Variants in EPC2 observed in about 807,000 individuals in gnomAD.
EPC2 encodes the protein enhancer of polycomb 2.
Under a neutral mutation model 92.1 loss-of-function variants are expected in EPC2, and 14 were observed. The ratio of observed to expected loss-of-function variants is 0.15; its 90% confidence interval spans 0.10 to 0.24. The LOEUF (loss-of-function observed/expected upper bound fraction) is 0.24. EPC2 is among the 10% of genes least tolerant of loss of function. The probability of loss-of-function intolerance (pLI) is 1.00; values close to 1 mark genes in which losing one functional copy is unlikely to be tolerated. For synonymous variants in EPC2, 340 were observed against 334.7 expected, an observed-to-expected ratio of 1.02 and a Z score of -0.17; for missense variants, 755 against 971.5, an observed-to-expected ratio of 0.78 and a Z score of 2.96.
chr2:148,649,640 C>T (rs1680624404), intron 1 of EPC2, among the ~76,000 whole-genome samples: 1 of 151,976 alleles, frequency 6.6e-6, no homozygotes, highest in African/African-American at 2.4e-5. Context: ...GAGGTATTAC[C>T]ATTTCTGTTT....
chr2:148,663,160 G>A (rs1680974138), intron 1 of EPC2, among the ~76,000 whole-genome samples: 1 of 149,840 alleles, frequency 6.7e-6, no homozygotes, highest in South Asian at 2.1e-4. Flanking sequence ...TGATACATGG[G>A]ACAGATGCCT....
At chr2:148,714,664 TG>T in intron 2 of EPC2, among the ~76,000 whole-genome samples, 1 of 152,358 alleles carries the variant, frequency 6.6e-6, no homozygotes, top group East Asian at 1.9e-4. Context: ...TAATGATCAG[TG>T]GTGTTGAGCT....
chr2:148,767,809 G>A (rs1183816098), intron 7 of EPC2, among the ~76,000 whole-genome samples: 5 of 152,290 alleles, frequency 3.3e-5, no homozygotes, highest in South Asian at 4.1e-4. Flanking sequence ...CCGGGGAATC[G>A]TAGTTAGGAG....
At chr2:148,684,023 A>G (rs1681463557) in intron 1 of EPC2, among the ~76,000 whole-genome samples, 1 of 152,126 alleles carries the variant, frequency 6.6e-6, no homozygotes, top group African/African-American at 2.4e-5. Flanking sequence ...CACCAACATC[A>G]TTACTTTTTA....
In EPC2 at chr2:148,690,315, T is replaced by C; in HGVS notation, c.255T>C (p.Tyr85=). Residue 85 remains tyrosine (Y), a synonymous_variant, in exon 2 of 14, where the codon TAT becomes TAC. Transcript: ENST00000258484. ...CTGAGGCAGAGAGCAACGTCAACTA[T>C]TACAATCGCTTGTACAAAGGAGAGT... ...PVPEAESNVN[Y]YNRLYKGEFK... 1 of 1,612,558 alleles carries C rather than the reference T, an allele frequency of 6.2e-7. No homozygotes were observed. Among genetic ancestry groups the C allele is most frequent in the African/African-American group, 1.3e-5 (1 of 75,004 alleles).
At chr2:148,733,730 A>G (rs190596524) in intron 2 of EPC2, among the ~76,000 whole-genome samples, 87 of 151,498 alleles carry the variant, frequency 5.7e-4, no homozygotes, top group Admixed American at 4.7e-3. Context: ...GGCTCAAGCA[A>G]TCCTCCACCA....
intron 1 of EPC2, among the ~76,000 whole-genome samples, chr2:148,649,020 A>G (rs901089534): frequency 6.6e-5 from 10 of 152,226 alleles, no homozygotes; most frequent in Non-Finnish European, 1.3e-4. Flanking sequence ...ATGTTTATTT[A>G]GAATTTAGAC....
chr2:148,688,236 AATG>A (rs1158024739), intron 1 of EPC2, among the ~76,000 whole-genome samples: 3 of 152,224 alleles, frequency 2.0e-5, no homozygotes, highest in Non-Finnish European at 4.4e-5. Context: ...AGCCATAAAA[AATG>A]ATGAGCTCAT....
intron 2 of EPC2, among the ~76,000 whole-genome samples, chr2:148,705,342 G>T (rs188293319): frequency 6.6e-6 from 1 of 152,140 alleles, no homozygotes; most frequent in Non-Finnish European, 1.5e-5. Context: ...GTTGAGTGAT[G>T]ATAAGTTTTA....
At position 148,731,916 on chromosome 2, in the gene EPC2, T is replaced by C. The variant is rs1403783220; in HGVS notation, c.314-11706T>C. Among the ~76,000 whole-genome samples the C allele has an allele frequency of 4.6e-5, 7 of 152,368 alleles. No homozygotes were observed. The East Asian group carries it at 1.3e-3, about 29-fold the overall frequency. Reference sequence around the variant, plus strand: ...TTACTGCTGTTATGATTAGAAAGGTTTAATTTAGCTTCTGTGTGGTATAGT... The same window carrying C: ...TTACTGCTGTTATGATTAGAAAGGTCTAATTTAGCTTCTGTGTGGTATAGT... On this transcript the variant is annotated intron_variant, in intron 2 of 13. Transcript: ENST00000258484.
chr2:148,768,681 GT>G (rs1419588369), intron 7 of EPC2, among the ~76,000 whole-genome samples: 1 of 151,746 alleles, frequency 6.6e-6, no homozygotes, highest in African/African-American at 2.4e-5. Flanking sequence ...GGCCTTTGGG[GT>G]TTTTTTTGTT....
intron 2 of EPC2, among the ~76,000 whole-genome samples, chr2:148,710,986 CTTT>C (rs1045790936): frequency 1.3e-5 from 2 of 152,060 alleles, no homozygotes; most frequent in Non-Finnish European, 1.5e-5. Flanking sequence ...TTCAGTCTCT[CTTT>C]TTGTTTTAGC....
At chr2:148,758,561 A>G (rs1683238174) in intron 4 of EPC2, among the ~76,000 whole-genome samples, 1 of 151,944 alleles carries the variant, frequency 6.6e-6, no homozygotes, top group African/African-American at 2.4e-5. Flanking sequence ...ACACCCGGGT[A>G]ATTTTTGTAT....
intron 1 of EPC2, among the ~76,000 whole-genome samples, chr2:148,673,466 G>A (rs1418540169): frequency 6.6e-6 from 1 of 152,144 alleles, no homozygotes; most frequent in Admixed American, 6.5e-5. Flanking sequence ...GTCTGCTGTT[G>A]AACCTCTCTA....
chr2:148,752,325 C>T (rs1574622872), intron 3 of EPC2, among the ~76,000 whole-genome samples: 1 of 152,118 alleles, frequency 6.6e-6, no homozygotes, highest in East Asian at 1.9e-4. Flanking sequence ...TGCCGTGTTG[C>T]TGTCAGTACA....
At chr2:148,761,635 A>G in intron 4 of EPC2, 147 bp from the exon 5 acceptor site, 1 of 472,232 alleles carries the variant, frequency 2.1e-6, no homozygotes, top group Non-Finnish European at 3.6e-6. Flanking sequence ...AAATAGTTAT[A>G]GGTTATCTTA....
chr2:148,765,125 A>T lies in EPC2; in HGVS notation c.1119A>T (p.Ser373=). The part of the protein sequence containing the change: ...SDIKQYDFHS[S]DEDEFPQVLS... ...TTAAGCAATATGATTTTCACAGCTC[A>T]GATGAAGATGAATTTCCACAGGTGC... Residue 373 remains serine, a synonymous_variant, in exon 7 of 14, where the codon TCA becomes TCT. Coordinates refer to ENST00000258484, the MANE Select transcript of EPC2 (RefSeq NM_015630.4). 6.4e-7 allele frequency: 1 copy of T among 1,560,172 alleles called. No individual in the cohort carries two copies. Among genetic ancestry groups the T allele is most frequent in the Non-Finnish European group, 8.7e-7 (1 of 1,155,104 alleles).
At chr2:148,713,438 C>A (rs1004050612) in intron 2 of EPC2, among the ~76,000 whole-genome samples, 1 of 151,858 alleles carries the variant, frequency 6.6e-6, no homozygotes, top group Non-Finnish European at 1.5e-5. Context: ...TGTGGTGTTA[C>A]AAAAGAGACA....
chr2:148,780,862 C>T (rs1247923016), intron 10 of EPC2, among the ~76,000 whole-genome samples: 2 of 152,136 alleles, frequency 1.3e-5, no homozygotes, highest in Non-Finnish European at 2.9e-5. Context: ...TATCAGTGAT[C>T]TACTTAAATA....
Sources: gnomAD v4.1 joint callset for allele counts (sites outside exome capture counted in the v4.1 genomes callset) on GRCh38, gnomAD v4.1.1 for gene constraint, MANE v1.5 for transcripts, NCBI Gene and HGNC (gene_info 2026-07-23, HGNC 2026-07-21) for gene names.